Variants in OR9Q1 observed in about 807,000 individuals in gnomAD.
OR9Q1 encodes olfactory receptor 9Q1.
For missense variants in OR9Q1, 374 were observed against 378.8 expected, an observed-to-expected ratio of 0.99 and a Z score of 0.11; for synonymous variants, 153 against 148.6, an observed-to-expected ratio of 1.03 and a Z score of -0.22.
At chr11:58,092,073 G>A (rs1437304700) in intron 2 of OR9Q1, among the ~76,000 whole-genome samples, 8 of 151,730 alleles carry the variant, frequency 5.3e-5, no homozygotes, top group African/African-American at 9.7e-5. Context: ...AATACAGCAC[G>A]CCAATGGGTC....
intron 2 of OR9Q1, among the ~76,000 whole-genome samples, chr11:58,068,906 T>A (rs1853460270): frequency 6.6e-6 from 1 of 152,032 alleles, no homozygotes. Context: ...GAGATTCGCA[T>A]CCATGAATAT....
chr11:58,180,184 T>C lies in OR9Q1; in HGVS notation c.740T>C (p.Val247Ala), dbSNP rs1279088679. Residue 247 changes from valine to alanine, a missense_variant, in exon 3 of 3, where the codon GTG (valine) becomes GCG (alanine). Physicochemically the swap from Val to Ala is moderately conservative, Grantham distance 64 (BLOSUM62 0). Coordinates refer to ENST00000335397, the MANE Select transcript of OR9Q1 (RefSeq NM_001005212.4). ...FSTCTSHLTAVSLFFGTLIFM... is the reference protein window; with the variant it reads ...FSTCTSHLTAASLFFGTLIFM... ...ACCTGCACCTCCCACCTCACTGCTG[T>C]GTCACTCTTCTTTGGTACCCTCATC... 6.2e-7 allele frequency: 1 copy of C among 1,613,956 alleles called. No individual in the cohort carries two copies. The highest frequency in any genetic ancestry group is 8.5e-7 in the Non-Finnish European group (1 of 1,179,970).
At chr11:58,084,124 A>G (rs1239121222) in intron 2 of OR9Q1, among the ~76,000 whole-genome samples, 2 of 151,812 alleles carry the variant, frequency 1.3e-5, no homozygotes, top group Non-Finnish European at 2.9e-5. Context: ...TGTGTCATCT[A>G]TAATTTCTTT....
intron 1 of OR9Q1, among the ~76,000 whole-genome samples, chr11:58,043,524 T>A (rs1297812617): frequency 6.6e-6 from 1 of 152,220 alleles, no homozygotes; most frequent in East Asian, 1.9e-4. Flanking sequence ...GGTAAAGTCC[T>A]CTATGATCTG....
rs150178033 is a variant in OR9Q1 at position 58,134,554 on chromosome 11, A to G, written c.-14-44877A>G. Among the ~76,000 whole-genome samples, 66 of 152,314 alleles carry G rather than the reference A, an allele frequency of 4.3e-4. No homozygotes were observed. In the East Asian group the frequency reaches 0.011, roughly 26 times the overall value. Reference sequence around the variant, plus strand: ...ACTGCATAGTTAGTCTTGAGAGCAGATGGGTCAGAGTGAGAAGGCACTGGG... The same window carrying G: ...ACTGCATAGTTAGTCTTGAGAGCAGGTGGGTCAGAGTGAGAAGGCACTGGG... On this transcript the variant is annotated intron_variant, in intron 2 of 2. Coordinates refer to ENST00000335397, the MANE Select transcript of OR9Q1 (RefSeq NM_001005212.4).
intron 2 of OR9Q1, among the ~76,000 whole-genome samples, chr11:58,136,315 A>G (rs1048948613): frequency 2.0e-5 from 3 of 152,194 alleles, no homozygotes; most frequent in South Asian, 2.1e-4. Context: ...TGGTGGGTTC[A>G]TGATGGCGTT....
chr11:58,180,554 GA>G lies in OR9Q1; in HGVS notation c.*181del. On this transcript the variant is annotated 3_prime_UTR_variant, in exon 3 of 3. Transcript: ENST00000335397. ...AAGGAAGACAAGGAAAAGTCAACCTGAAAAGAGATTGGAGTGGGAGTTTTGA... is the reference window on the plus strand; with the variant it reads ...AAGGAAGACAAGGAAAAGTCAACCTGAAAGAGATTGGAGTGGGAGTTTTGA... The G allele has an allele frequency of 2.2e-6, 1 of 456,440 alleles. No individual in the cohort carries two copies. 28.3% of individuals were successfully genotyped at this position (456,440 alleles called of 1,614,324 possible).
At chr11:58,096,239 A>G (rs1041025615) in intron 2 of OR9Q1, among the ~76,000 whole-genome samples, 1 of 151,542 alleles carries the variant, frequency 6.6e-6, no homozygotes, top group Non-Finnish European at 1.5e-5. Flanking sequence ...ATTTACATAC[A>G]GTAAAATACA....
At chr11:58,158,966 A>G (rs1854433764) in intron 2 of OR9Q1, among the ~76,000 whole-genome samples, 1 of 152,206 alleles carries the variant, frequency 6.6e-6, no homozygotes, top group African/African-American at 2.4e-5. Context: ...GTGCTTTCTT[A>G]ACTTGGCTGC....
At chr11:58,095,283 C>T (rs1853719305) in intron 2 of OR9Q1, among the ~76,000 whole-genome samples, 1 of 152,226 alleles carries the variant, frequency 6.6e-6, no homozygotes, top group African/African-American at 2.4e-5. Context: ...CATAATACAA[C>T]TGGCTGGTAC....
At chr11:58,118,399 T>G (rs1352273507) in intron 2 of OR9Q1, 1 of 753,374 alleles carries the variant, frequency 1.3e-6, no homozygotes, top group Non-Finnish European at 2.2e-6. Flanking sequence ...TCTTCTGTCT[T>G]CTCTGTTTGT....
rs1854659862 is a variant in OR9Q1, at chr11:58,180,983, A to C, written c.*606A>C. The C allele has an allele frequency of 6.0e-6, 1 of 167,016 alleles. No individual in the cohort carries two copies. The highest frequency in any genetic ancestry group is 2.4e-5 in the African/African-American group (1 of 41,426). The allele number at this position is 167,016 out of a possible 1,614,324, so 10.3% of individuals were successfully genotyped here. ...TACATTTATTTTTAATGATCAAACTATGGTCGTTTGATGATCCAATTAGCA... is the reference window on the plus strand; with the variant it reads ...TACATTTATTTTTAATGATCAAACTCTGGTCGTTTGATGATCCAATTAGCA... On this transcript the variant is annotated 3_prime_UTR_variant, in exon 3 of 3. Transcript: ENST00000335397.
chr11:58,090,106 A>G (rs1325207016), intron 2 of OR9Q1, among the ~76,000 whole-genome samples: 1 of 152,186 alleles, frequency 6.6e-6, no homozygotes, highest in Non-Finnish European at 1.5e-5. Flanking sequence ...AGACAATTCA[A>G]CTTCCTCTCT....
rs117450252 is a variant in OR9Q1, at chr11:58,031,326, A to T, written c.-93+7222A>T. The stretch of plus-strand genomic sequence containing the variant: ...TTCCTACTGGCTGCCATGGCCTATG[A>T]TCGTTATGTGGCCATTTGTATGCCT... On this transcript the variant is annotated intron_variant, in intron 1 of 2. Transcript: ENST00000335397. The T allele has an allele frequency of 1.4e-3, 2,237 of 1,614,018 alleles. 54 individuals carry two copies. The East Asian group carries it at 0.046, about 33-fold the overall frequency.
intron 2 of OR9Q1, among the ~76,000 whole-genome samples, chr11:58,176,618 G>A (rs1312283509): frequency 6.6e-6 from 1 of 152,180 alleles, no homozygotes; most frequent in Non-Finnish European, 1.5e-5. Context: ...GAATAAAACG[G>A]TGTCTTTGGC....
At chr11:58,106,173 T>A (rs538323131) in intron 2 of OR9Q1, among the ~76,000 whole-genome samples, 17 of 149,980 alleles carry the variant, frequency 1.1e-4, no homozygotes, top group African/African-American at 3.6e-4. Context: ...TTTTTTTTTT[T>A]AATAATGGTC....
chr11:58,094,371 C>A (rs570085652), intron 2 of OR9Q1, among the ~76,000 whole-genome samples: 2 of 152,082 alleles, frequency 1.3e-5, no homozygotes, highest in Admixed American at 6.6e-5. Context: ...TCTAAAAGCC[C>A]CAATTTCACT....
intron 2 of OR9Q1, among the ~76,000 whole-genome samples, chr11:58,142,390 A>G (rs988243297): frequency 5.9e-5 from 9 of 152,100 alleles, no homozygotes; most frequent in African/African-American, 2.2e-4. Context: ...TTTGGCCAGG[A>G]TGATTTACAG....
At chr11:58,025,849 A>T (rs1490537782) in intron 1 of OR9Q1, among the ~76,000 whole-genome samples, 2 of 152,098 alleles carry the variant, frequency 1.3e-5, no homozygotes, top group African/African-American at 4.8e-5. Flanking sequence ...TCCTCTGGGC[A>T]TATTACCTAC....
Sources: gnomAD v4.1 joint callset for allele counts (sites outside exome capture counted in the v4.1 genomes callset) on GRCh38, gnomAD v4.1.1 for gene constraint, MANE v1.5 for transcripts, NCBI Gene and HGNC (gene_info 2026-07-23, HGNC 2026-07-21) for gene names.